KCNN2: variants seen among roughly 807,000 people sequenced by gnomAD.
KCNN2 encodes the protein small conductance calcium-activated potassium channel protein 2.
A neutral mutation model predicts 55.5 loss-of-function variants in KCNN2; 24 were observed. That is an observed-to-expected ratio of 0.43 (90% confidence interval 0.31 to 0.61). The LOEUF (loss-of-function observed/expected upper bound fraction) is 0.61. Among genes scored for constraint, KCNN2 ranks in the 20% least tolerant of loss-of-function variants. KCNN2 has a pLI of 0.08. For synonymous variants in KCNN2, 431 were observed against 336.1 expected, an observed-to-expected ratio of 1.28 and a Z score of -3.09; for missense variants, 754 against 853.6, an observed-to-expected ratio of 0.88 and a Z score of 1.45.
At chr5:114,454,563 A>G (rs948548628) in intron 3 of KCNN2, among the ~76,000 whole-genome samples, 1 of 152,140 alleles carries the variant, frequency 6.6e-6, no homozygotes, top group Non-Finnish European at 1.5e-5. Context: ...TCAAATTCTA[A>G]TATTAGGGTC....
At chr5:114,383,464 CTTTTTTTTTTTT>C (rs66787954) in intron 2 of KCNN2, among the ~76,000 whole-genome samples, 39,858 of 105,052 alleles carry the variant, frequency 0.38, 6,521 homozygotes, top group Middle Eastern at 0.48. Context: ...CCACTAAATG[CTTTTTTTTTTTT>C]TTTTTTTTTT....
intron 2 of KCNN2, among the ~76,000 whole-genome samples, chr5:114,306,364 G>A (rs1463586627): frequency 6.6e-6 from 1 of 152,190 alleles, no homozygotes; most frequent in Non-Finnish European, 1.5e-5. Context: ...TGGTTTTGCA[G>A]AGGCCAAACA....
intron 1 of KCNN2, among the ~76,000 whole-genome samples, chr5:114,092,922 G>A (rs1843794): frequency 6.6e-6 from 1 of 152,164 alleles, no homozygotes; most frequent in African/African-American, 2.4e-5. Context: ...AAGGGCTGCC[G>A]TGAAGACCTC....
chr5:114,187,105 C>T (rs1753349148), intron 1 of KCNN2, among the ~76,000 whole-genome samples: 1 of 152,082 alleles, frequency 6.6e-6, no homozygotes, highest in Admixed American at 6.5e-5. Flanking sequence ...TTAATTTGGT[C>T]AGTTTTTAAT....
At chr5:114,204,584 C>G (rs1272591286) in intron 1 of KCNN2, among the ~76,000 whole-genome samples, 1 of 152,102 alleles carries the variant, frequency 6.6e-6, no homozygotes, top group African/African-American at 2.4e-5. Context: ...ATTTCCTAGA[C>G]TCCCATGACA....
chr5:114,419,520 C>G (rs935170864), intron 3 of KCNN2, among the ~76,000 whole-genome samples: 14 of 152,190 alleles, frequency 9.2e-5, no homozygotes, highest in Non-Finnish European at 1.5e-5. Flanking sequence ...CCACCCCCTA[C>G]CAAATAATCA....
At chr5:114,406,427 A>G (rs1758936575) in intron 3 of KCNN2, among the ~76,000 whole-genome samples, 1 of 151,900 alleles carries the variant, frequency 6.6e-6, no homozygotes, top group Non-Finnish European at 1.5e-5. Flanking sequence ...CCAGTAAGAT[A>G]TATAAACCCT....
chr5:114,215,016 G>C (rs1753973031), intron 1 of KCNN2, among the ~76,000 whole-genome samples: 1 of 152,094 alleles, frequency 6.6e-6, no homozygotes. Flanking sequence ...TTGTTTACTT[G>C]TTACCTCCAC....
chr5:114,232,163 A>T (rs1451165616), intron 2 of KCNN2, among the ~76,000 whole-genome samples: 2 of 150,996 alleles, frequency 1.3e-5, no homozygotes, highest in African/African-American at 5.0e-5. Flanking sequence ...TCGAGTTGAA[A>T]TAGAATGTGG....
At chr5:114,164,860 A>G (rs930739571) in intron 1 of KCNN2, among the ~76,000 whole-genome samples, 1 of 152,182 alleles carries the variant, frequency 6.6e-6, no homozygotes, top group Non-Finnish European at 1.5e-5. Flanking sequence ...GACCGTTTCT[A>G]TTACTAATCG....
intron 7 of KCNN2, 80 bp from the exon 8 acceptor site, chr5:114,495,815 C>T (rs1198869401): frequency 3.0e-6 from 4 of 1,347,756 alleles, no homozygotes; most frequent in Admixed American, 1.9e-5. Context: ...CAGCAAGAGA[C>T]CAGAGCTAAA....
At chr5:114,449,880 AC>A (rs1233616514) in intron 3 of KCNN2, among the ~76,000 whole-genome samples, 1 of 8,366 alleles carries the variant, frequency 1.2e-4, no homozygotes, top group South Asian at 0.042. Flanking sequence ...ATCCAAACAT[AC>A]ACACACACAC....
At chr5:114,417,189 C>G (rs540086664) in intron 3 of KCNN2, among the ~76,000 whole-genome samples, 2 of 152,138 alleles carry the variant, frequency 1.3e-5, no homozygotes, top group South Asian at 4.1e-4. Flanking sequence ...ATAATGTTAT[C>G]AAATGAAATA....
At chr5:114,318,539 T>C (rs560958076) in intron 2 of KCNN2, among the ~76,000 whole-genome samples, 2 of 151,762 alleles carry the variant, frequency 1.3e-5, no homozygotes, top group Non-Finnish European at 2.9e-5. Flanking sequence ...CTATATATAA[T>C]CATACACTTA....
chr5:114,205,146 A>T (rs1428336732), intron 1 of KCNN2, among the ~76,000 whole-genome samples: 7 of 152,012 alleles, frequency 4.6e-5, no homozygotes, highest in Admixed American at 4.6e-4. Flanking sequence ...GTCTTTGTGT[A>T]TAGGCAGAAT....
intron 2 of KCNN2, among the ~76,000 whole-genome samples, chr5:114,258,078 T>C (rs533173405): frequency 6.6e-6 from 1 of 152,298 alleles, no homozygotes; most frequent in Non-Finnish European, 1.5e-5. Flanking sequence ...ATCAAATGCT[T>C]TTTTTGCATC....
chr5:114,310,089 C>G (rs1000845845), intron 2 of KCNN2, among the ~76,000 whole-genome samples: 2 of 152,170 alleles, frequency 1.3e-5, no homozygotes, highest in African/African-American at 4.8e-5. Flanking sequence ...GTTATTGTTC[C>G]ATGCATATCA....
At chr5:114,405,285 G>A (rs986933195) in intron 3 of KCNN2, among the ~76,000 whole-genome samples, 11 of 152,112 alleles carry the variant, frequency 7.2e-5, no homozygotes, top group African/African-American at 2.7e-4. Flanking sequence ...ATCTTAAAGC[G>A]GTTTGTTGGT....
chr5:114,447,691 T>C (rs1285494704), intron 3 of KCNN2, among the ~76,000 whole-genome samples: 4 of 152,212 alleles, frequency 2.6e-5, no homozygotes, highest in African/African-American at 4.8e-5. Context: ...AAAAAAAGTT[T>C]GTTAGACCAA....
Sources: allele counts gnomAD v4.1 joint callset (sites outside exome capture counted in the v4.1 genomes callset), GRCh38; gene constraint gnomAD v4.1.1; transcripts MANE v1.5; gene names NCBI Gene and HGNC (gene_info 2026-07-23, HGNC 2026-07-21).